Variants in COL27A1 observed in about 807,000 individuals in gnomAD.
COL27A1 encodes the protein collagen type XXVII alpha 1 chain.
In COL27A1, 106 loss-of-function variants were observed where a neutral mutation model predicts 251.3. The ratio of observed to expected loss-of-function variants is 0.42; its 90% CI spans 0.36 to 0.50. The LOEUF is 0.50. Among genes scored for constraint, COL27A1 ranks in the 20% least tolerant of loss-of-function variants. The pLI, the probability that COL27A1 is intolerant of heterozygous loss-of-function variation, is 0.00. For synonymous variants in COL27A1, 1,000 were observed against 986.3 expected (o/e 1.01, Z -0.26); for missense variants, 2,325 against 2,522.8 (o/e 0.92, Z 1.68).
Position 114,167,997 on chromosome 9 carries a change from G to A in COL27A1, c.442G>A (p.Asp148Asn), listed in dbSNP as rs771225683. ...HLGSRRSVAF[D>N]LDMHDGRWHH... Reference sequence around the variant, plus strand: ...CGGGTCCCGGCGCTCAGTGGCCTTCGACCTCGACATGCACGACGGGCGCTG... The same window carrying A: ...CGGGTCCCGGCGCTCAGTGGCCTTCAACCTCGACATGCACGACGGGCGCTG... The change falls in exon 3 of 61, where the codon GAC (aspartate) becomes AAC (asparagine). Residue 148 changes from aspartate to asparagine, a missense_variant. This residue lies in a region of COL27A1 where 1,183 missense variants were observed against 1,144.1 expected (regional missense o/e 1.03). Transcript: ENST00000356083. 1.2e-5 allele frequency: 20 copies of A among 1,604,614 alleles called. No homozygotes were observed. The highest frequency in any genetic ancestry group is 5.5e-5 in the South Asian group (5 of 91,068).
At chr9:114,309,224 C>A (rs369110673) in intron 59 of COL27A1, 36 bp from the exon 60 acceptor site, 4 of 1,585,620 alleles carry the variant, frequency 2.5e-6, no homozygotes, top group African/African-American at 2.7e-5. Flanking sequence ...GTGTGGGGGG[C>A]AGCCTGAGCC....
chr9:114,227,095 G>A (rs871878), intron 14 of COL27A1, among the ~76,000 whole-genome samples: 1 of 151,984 alleles, frequency 6.6e-6, no homozygotes, highest in South Asian at 2.1e-4. Context: ...TATGTCAGTG[G>A]CTAAGTATGT....
In COL27A1 at chr9:114,288,739, G is replaced by A. The variant is rs1315360309; in HGVS notation, c.4082G>A (p.Gly1361Glu). ...GATCGAGGAGACCGCGGGGAACCGGGAGACCCTGGGTACCCTGTAAGTATC... is the reference window on the plus strand; with the variant it reads ...GATCGAGGAGACCGCGGGGAACCGGAAGACCCTGGGTACCCTGTAAGTATC... ...VGDRGDRGEP[G>E]DPGYPGQEGV... The change falls in exon 43 of 61, where the codon GGA (glycine) becomes GAA (glutamate). Residue 1361 changes from glycine to glutamate, a missense_variant. Gly to Glu is a moderately conservative substitution (Grantham distance 98). Transcript: ENST00000356083. 1.9e-6 allele frequency: 3 copies of A among 1,610,872 alleles called. No homozygotes were observed. Among genetic ancestry groups the A allele is most frequent in the Non-Finnish European group, 2.5e-6 (3 of 1,177,564 alleles).
At chr9:114,232,794 C>A (rs1451543723) in intron 16 of COL27A1, among the ~76,000 whole-genome samples, 1 of 152,218 alleles carries the variant, frequency 6.6e-6, no homozygotes, top group Non-Finnish European at 1.5e-5. Flanking sequence ...TTGCTTGGGC[C>A]GGGCACAGTG....
chr9:114,289,355 A>G (rs1827749831), intron 45 of COL27A1, 60 bp downstream of exon 45: 1 of 1,472,482 alleles, frequency 6.8e-7, no homozygotes, highest in Admixed American at 2.4e-5. Context: ...AGCCTGACCC[A>G]CAGTCACACA....
At chr9:114,280,787 T>C (rs1835852861) in intron 37 of COL27A1, among the ~76,000 whole-genome samples, 1 of 152,222 alleles carries the variant, frequency 6.6e-6, no homozygotes, top group Admixed American at 6.5e-5. Context: ...GTGCATCTCT[T>C]TGGGATAGCG....
chr9:114,190,515 T>TC (rs1828683128), intron 5 of COL27A1, among the ~76,000 whole-genome samples: 1 of 152,184 alleles, frequency 6.6e-6, no homozygotes, highest in African/African-American at 2.4e-5. Context: ...TGATCCTCCT[T>TC]CCTTGGCCTC....
chr9:114,222,376 T>C, intron 14 of COL27A1, 109 bp downstream of exon 14: 1 of 1,038,332 alleles, frequency 9.6e-7, no homozygotes, highest in Admixed American at 2.0e-5. Context: ...GAAAAGACCC[T>C]TCTCTCATCA....
At chr9:114,187,324 A>G (rs1375308504) in intron 5 of COL27A1, among the ~76,000 whole-genome samples, 1 of 152,246 alleles carries the variant, frequency 6.6e-6, no homozygotes, top group East Asian at 1.9e-4. Context: ...GAAAATATGG[A>G]GAAGTCCAGA....
At chr9:114,310,430 CT>C (rs1273525279) in intron 60 of COL27A1, 118 bp from the exon 61 acceptor site, 2 of 1,089,480 alleles carry the variant, frequency 1.8e-6, no homozygotes, top group Admixed American at 3.7e-5. Flanking sequence ...TAGGTCATTG[CT>C]ACAATGAAAT....
At chr9:114,229,500 T>C (rs910262254) in intron 14 of COL27A1, among the ~76,000 whole-genome samples, 1 of 152,090 alleles carries the variant, frequency 6.6e-6, no homozygotes, top group Non-Finnish European at 1.5e-5. Flanking sequence ...TTCCCATTCT[T>C]GAGCCTGGCT....
intron 36 of COL27A1, chr9:114,272,969 G>T (rs1422431877): frequency 1.3e-4 from 20 of 152,214 alleles, no homozygotes; most frequent in Non-Finnish European, 1.0e-4. Context: ...TGTAACTGAA[G>T]AGGGTTAAGG....
intron 8 of COL27A1, among the ~76,000 whole-genome samples, chr9:114,205,487 G>GA (rs1173217496): frequency 6.6e-6 from 1 of 152,210 alleles, no homozygotes; most frequent in Non-Finnish European, 1.5e-5. Flanking sequence ...TGGCCCAAGT[G>GA]AAACAGCAGC....
intron 12 of COL27A1, among the ~76,000 whole-genome samples, chr9:114,218,967 A>G (rs1337675334): frequency 7.3e-6 from 1 of 136,802 alleles, no homozygotes; most frequent in Admixed American, 7.5e-5. Flanking sequence ...TTTTTTTTTT[A>G]ATTACATTTC....
intron 3 of COL27A1, among the ~76,000 whole-genome samples, chr9:114,175,751 C>T (rs1429518946): frequency 1.3e-5 from 2 of 152,178 alleles, no homozygotes; most frequent in Non-Finnish European, 2.9e-5. Context: ...GCAGCCCCAC[C>T]AGGGTCCATG....
intron 16 of COL27A1, among the ~76,000 whole-genome samples, chr9:114,233,908 C>T (rs185661452): frequency 3.3e-5 from 5 of 152,204 alleles, no homozygotes; most frequent in East Asian, 1.9e-4. Context: ...GGCTGTGTTC[C>T]GATCAGCCAC....
chr9:114,214,290 C>T lies in COL27A1; in HGVS notation c.2367+3264C>T, dbSNP rs536526790. Among the ~76,000 whole-genome samples, 17 of 152,314 alleles carry T rather than the reference C, an allele frequency of 1.1e-4. No homozygotes were observed. The South Asian group carries it at 2.9e-3, about 26-fold the overall frequency. On this transcript the variant is annotated intron_variant, in intron 12 of 60. Transcript: ENST00000356083. ...AGCTTTAGGCCAGACAGTTTCTAGG[C>T]ACTTATTAAGAAAAGGAAGTGACAG...
chr9:114,157,374 T>TCCAGCATGCCTCTGCTCC (rs1406429629), intron 1 of COL27A1, among the ~76,000 whole-genome samples: 1 of 151,972 alleles, frequency 6.6e-6, no homozygotes, highest in Non-Finnish European at 1.5e-5. Flanking sequence ...GCCTCTGCTC[T>TCCAGCATGCCTCTGCTCC]CCAGCATGCC....
At chr9:114,294,131 C>T (rs1173089372) in intron 49 of COL27A1, among the ~76,000 whole-genome samples, 1 of 151,076 alleles carries the variant, frequency 6.6e-6, no homozygotes, top group African/African-American at 2.4e-5. Context: ...ACCTGTAATC[C>T]CAGCTACTCA....
Sources: gnomAD v4.1 joint callset for allele counts (sites outside exome capture counted in the v4.1 genomes callset) on GRCh38, gnomAD v4.1.1 for gene constraint, gnomAD v4.1.1 regional missense constraint, MANE v1.5 for transcripts, NCBI Gene and HGNC (gene_info 2026-07-23, HGNC 2026-07-21) for gene names.